EP300: variants seen among roughly 807,000 people sequenced by gnomAD.
The protein encoded by EP300 is histone acetyltransferase p300.
EP300 carries 31 observed loss-of-function variants against 264.0 expected under a neutral mutation model. The ratio of observed to expected loss-of-function variants is 0.12; its 90% CI spans 0.09 to 0.16. The LOEUF (loss-of-function observed/expected upper bound fraction) is 0.16, where lower values mean the gene tolerates loss of function less well. Among genes scored for constraint, EP300 ranks in the 10% least tolerant of loss-of-function variants. The pLI is 1.00. For missense variants in EP300, 2,766 were observed against 3,052.9 expected, an observed-to-expected ratio of 0.91 and a Z score of 2.21; for synonymous variants, 1,340 against 1,045.4, an observed-to-expected ratio of 1.28 and a Z score of -5.44.
intron 29 of EP300, among the ~76,000 whole-genome samples, chr22:41,175,780 T>C (rs2059197019): frequency 6.6e-6 from 1 of 152,224 alleles, no homozygotes; most frequent in Non-Finnish European, 1.5e-5. Flanking sequence ...ATTGTTACTC[T>C]GAAGGAGTTA....
Position 41,117,814 on chromosome 22 carries a change from C to G in EP300, c.722C>G (p.Pro241Arg). Reference sequence around the variant, plus strand: ...CAAACAGGATTGAGAGGCCCCCAGCCTCTTAAGGTAAGTACAGTTTTGGTT... The same window carrying G: ...CAAACAGGATTGAGAGGCCCCCAGCGTCTTAAGGTAAGTACAGTTTTGGTT... ...GGQTGLRGPQ[P>R]LKMGMMNNPN... The change falls in exon 2 of 31, where the codon CCT becomes CGT. Residue 241 changes from proline (P) to arginine (R), a missense_variant. By Grantham distance (103) the Pro-to-Arg change is moderately radical. Coordinates refer to ENST00000263253, the MANE Select transcript of EP300 (RefSeq NM_001429.4). The G allele has an allele frequency of 6.2e-7, 1 of 1,613,968 alleles. No individual in the cohort carries two copies. The highest frequency in any genetic ancestry group is 1.1e-5 in the South Asian group (1 of 91,082).
intron 6 of EP300, among the ~76,000 whole-genome samples, chr22:41,133,146 AG>A (rs2058930133): frequency 9.1e-6 from 1 of 109,510 alleles, no homozygotes; most frequent in African/African-American, 2.9e-5. Flanking sequence ...ACCTGGCCTA[AG>A]ATTATCCCCC....
chr22:41,178,883 C>G lies in EP300; in HGVS notation c.7172C>G (p.Thr2391Arg), dbSNP rs139279818. ...GMANLHGASA[T>R]DLGLSTDNSD... is the part of the protein sequence containing the mutation. ...GCAAACCTCCATGGTGCAAGCGCCA[C>G]GGACCTGGGACTCAGCACCGATAAC... Residue 2391 changes from threonine to arginine, a missense_variant, in exon 31 of 31, where the codon ACG (threonine) becomes AGG (arginine). Coordinates refer to ENST00000263253, the MANE Select transcript of EP300 (RefSeq NM_001429.4). 2 of 1,614,188 alleles carry G rather than the reference C, an allele frequency of 1.2e-6. No individual in the cohort carries two copies. The highest frequency in any genetic ancestry group is 2.2e-5 in the East Asian group (1 of 44,884).
intron 10 of EP300, among the ~76,000 whole-genome samples, chr22:41,143,953 T>C (rs183361747): frequency 6.6e-6 from 1 of 152,312 alleles, no homozygotes; most frequent in East Asian, 1.9e-4. Flanking sequence ...CAGGACTATG[T>C]GTATTGGCCT....
chr22:41,145,269 A>G (rs987627645), intron 10 of EP300, among the ~76,000 whole-genome samples: 8 of 152,238 alleles, frequency 5.3e-5, no homozygotes, highest in African/African-American at 1.9e-4. Context: ...ATTTTTATGT[A>G]ATGAGCATGG....
chr22:41,110,936 C>T (rs1394140710), intron 1 of EP300, among the ~76,000 whole-genome samples: 2 of 149,972 alleles, frequency 1.3e-5, no homozygotes, highest in African/African-American at 4.9e-5. Flanking sequence ...TATACATTGT[C>T]AGTTTTTCCC....
intron 12 of EP300, 101 bp from the exon 13 acceptor site, chr22:41,148,937 C>T (rs2145735415): frequency 1.3e-6 from 2 of 1,540,076 alleles, no homozygotes; most frequent in Non-Finnish European, 1.8e-6. Context: ...TGGCTTTTCT[C>T]TACTTAATAA....
At position 41,178,497 on chromosome 22, in the gene EP300, G is replaced by C. The variant is rs2059217082; in HGVS notation, c.6786G>C (p.Gln2262His). 6.2e-7 allele frequency: 1 copy of C among 1,614,046 alleles called. No individual in the cohort carries two copies. Among genetic ancestry groups the C allele is most frequent in the Admixed American group, 1.7e-5 (1 of 60,000 alleles). The change falls in exon 31 of 31, where the codon CAG becomes CAC. Residue 2262 changes from glutamine to histidine, a missense_variant. By Grantham distance (24) the Gln-to-His change is conservative (BLOSUM62 0). Coordinates refer to ENST00000263253, the MANE Select transcript of EP300 (RefSeq NM_001429.4). The part of the protein sequence containing the change: ...EAGASLQAYQ[Q>H]RLLQQQMGSP... Reference sequence around the variant, plus strand: ...GTGCCAGTCTACAGGCCTATCAGCAGCGACTCCTTCAGCAACAGATGGGGT... The same window carrying C: ...GTGCCAGTCTACAGGCCTATCAGCACCGACTCCTTCAGCAACAGATGGGGT...
intron 25 of EP300, 183 bp downstream of exon 25, chr22:41,169,050 T>C: frequency 2.6e-6 from 2 of 756,000 alleles, no homozygotes; most frequent in Admixed American, 4.2e-5. Context: ...AAATAACCGC[T>C]CAATACTGCT....
At chr22:41,134,163 C>CTTTTTTTTTTTTTTTTTTTTT (rs11362436) in intron 6 of EP300, among the ~76,000 whole-genome samples, 3 of 105,632 alleles carry the variant, frequency 2.8e-5, no homozygotes, top group Non-Finnish European at 5.6e-5. Flanking sequence ...TCATTCTTTT[C>CTTTTTTTTTTTTTTTTTTTTT]TTTTTTTTTT....
rs2059211187 is a variant in EP300 at position 41,177,808 on chromosome 22, T to C, written c.6097T>C (p.Leu2033=). Residue 2033 remains leucine (L), a synonymous_variant, in exon 31 of 31, where the codon TTG becomes CTG. Coordinates refer to ENST00000263253, the MANE Select transcript of EP300 (RefSeq NM_001429.4). Reference sequence around the variant, plus strand: ...TTTGAACATGGCTCCACAACCAGGATTGGGCCAGGTAGGTATCAGCCCACT... The same window carrying C: ...TTTGAACATGGCTCCACAACCAGGACTGGGCCAGGTAGGTATCAGCCCACT... ...QPLNMAPQPG[L]GQVGISPLKP... 1 of 1,613,936 alleles carries C rather than the reference T, an allele frequency of 6.2e-7. No individual in the cohort carries two copies.
intron 1 of EP300, among the ~76,000 whole-genome samples, chr22:41,113,658 TGCCTCA>T (rs1333634477): frequency 2.0e-5 from 3 of 152,188 alleles, no homozygotes; most frequent in Non-Finnish European, 2.9e-5. Context: ...GCCATTCTCC[TGCCTCA>T]GCCTCCTGAG....
intron 10 of EP300, among the ~76,000 whole-genome samples, chr22:41,143,277 C>G (rs1372176763): frequency 2.6e-5 from 4 of 152,112 alleles, no homozygotes; most frequent in Non-Finnish European, 5.9e-5. Flanking sequence ...CATGGTGAAA[C>G]TCTGTCTCTA....
chr22:41,094,282 C>T (rs2058690148), intron 1 of EP300, among the ~76,000 whole-genome samples: 1 of 152,142 alleles, frequency 6.6e-6, no homozygotes, highest in Non-Finnish European at 1.5e-5. Flanking sequence ...CCTCCATCTG[C>T]CAGTGAGAGT....
At chr22:41,094,744 T>G (rs1035893904) in intron 1 of EP300, among the ~76,000 whole-genome samples, 1 of 152,250 alleles carries the variant, frequency 6.6e-6, no homozygotes. Flanking sequence ...TTTTGCTTTT[T>G]AGTTTTGGTG....
intron 1 of EP300, among the ~76,000 whole-genome samples, chr22:41,099,719 A>G (rs986272542): frequency 6.6e-6 from 1 of 152,160 alleles, no homozygotes; most frequent in African/African-American, 2.4e-5. Context: ...TGTCATTGCT[A>G]CTTTTGGACT....
chr22:41,120,298 TAGTG>T (rs570324614), intron 2 of EP300, among the ~76,000 whole-genome samples: 91 of 152,222 alleles, frequency 6.0e-4, no homozygotes, highest in African/African-American at 2.1e-3. Flanking sequence ...CCCAGCAACA[TAGTG>T]AGACCCCCAT....
chr22:41,164,281 C>A (rs1351615692), intron 22 of EP300, 151 bp downstream of exon 22: 1 of 754,846 alleles, frequency 1.3e-6, no homozygotes, highest in Non-Finnish European at 2.2e-6. Flanking sequence ...TTATAGTTCG[C>A]TTTTTAAAAA....
At chr22:41,153,168 C>G (rs908360347) in intron 16 of EP300, among the ~76,000 whole-genome samples, 1 of 152,094 alleles carries the variant, frequency 6.6e-6, no homozygotes, top group Non-Finnish European at 1.5e-5. Context: ...GGAAGCAGAC[C>G]CAGGCAGTCT....
Sources: allele counts gnomAD v4.1 joint callset (sites outside exome capture counted in the v4.1 genomes callset), GRCh38; gene constraint gnomAD v4.1.1; transcripts MANE v1.5; gene names NCBI Gene and HGNC (gene_info 2026-07-23, HGNC 2026-07-21).